NDST4: variants seen among roughly 807,000 people sequenced by gnomAD.
NDST4 encodes the protein N-heparan sulfate sulfotransferase 4.
NDST4 carries 63 observed loss-of-function variants against 100.8 expected under a neutral mutation model. The observed-to-expected ratio is 0.62, with a 90% confidence interval of 0.51 to 0.77. The LOEUF is 0.77. Ranked by LOEUF, NDST4 falls within the 30% of genes least tolerant of loss-of-function variation. The probability of loss-of-function intolerance (pLI) is 0.00; values close to 1 mark genes in which losing one functional copy is unlikely to be tolerated. For missense variants in NDST4, 943 were observed against 1,018.4 expected (o/e 0.93, Z 1.01); for synonymous variants, 377 against 361.8 (o/e 1.04, Z -0.48).
chr4:114,914,579 A>G (rs1384174080), intron 6 of NDST4, among the ~76,000 whole-genome samples: 1 of 152,190 alleles, frequency 6.6e-6, no homozygotes. Context: ...AAATATATTA[A>G]CTACAAGCTA....
intron 2 of NDST4, among the ~76,000 whole-genome samples, chr4:115,022,152 C>T (rs1727847332): frequency 6.8e-6 from 1 of 146,000 alleles, no homozygotes. Flanking sequence ...TATGCACGTT[C>T]CATATATATA....
In NDST4 at chr4:115,077,194, T is replaced by C; in HGVS notation, c.-158A>G. 3.0e-6 allele frequency: 2 copies of C among 663,816 alleles called. No homozygotes were observed. The highest frequency in any genetic ancestry group is 4.1e-5 in the South Asian group (2 of 49,380). 41.1% of individuals were successfully genotyped at this position (663,816 alleles called of 1,614,324 possible). A position where few individuals can be genotyped will look rare whatever the true frequency, so the allele number is the denominator to read the frequency against. On this transcript the variant is annotated 5_prime_UTR_variant, in exon 2 of 14. Transcript: ENST00000264363. ...GAAGGGAGCACAACTGAGTTAAAGC[T>C]GGAAGGCAATAGATGGGAAGGATAT...
chr4:114,935,174 C>A, intron 6 of NDST4, 32 bp downstream of exon 6: 1 of 1,434,218 alleles, frequency 7.0e-7, no homozygotes, highest in Non-Finnish European at 9.2e-7. Flanking sequence ...AAATGCTAAT[C>A]TTATTGTAAG....
At chr4:114,866,154 T>A (rs999600856) in intron 7 of NDST4, among the ~76,000 whole-genome samples, 4 of 152,136 alleles carry the variant, frequency 2.6e-5, no homozygotes, top group Non-Finnish European at 5.9e-5. Context: ...GCAATGGGGG[T>A]AATTAGTCAC....
At chr4:115,034,670 T>C (rs1396367963) in intron 2 of NDST4, among the ~76,000 whole-genome samples, 1 of 152,094 alleles carries the variant, frequency 6.6e-6, no homozygotes, top group African/African-American at 2.4e-5. Context: ...TGTGGTGTTC[T>C]AATCTTTTAT....
intron 4 of NDST4, among the ~76,000 whole-genome samples, chr4:114,960,261 T>C (rs1311141520): frequency 1.3e-5 from 2 of 152,278 alleles, no homozygotes; most frequent in South Asian, 2.1e-4. Flanking sequence ...AAATTACAAA[T>C]GTAGTTCTTC....
chr4:114,978,383 A>G (rs564144938), intron 2 of NDST4, among the ~76,000 whole-genome samples: 1 of 152,082 alleles, frequency 6.6e-6, no homozygotes, highest in South Asian at 2.1e-4. Context: ...TAGTTTAATT[A>G]AAAAAATGAC....
intron 2 of NDST4, among the ~76,000 whole-genome samples, chr4:115,059,017 A>G (rs1003551420): frequency 3.3e-5 from 5 of 151,830 alleles, no homozygotes; most frequent in African/African-American, 1.2e-4. Flanking sequence ...TCAAAATTAG[A>G]TTTATTGAGG....
At chr4:114,896,134 T>C (rs1232757218) in intron 6 of NDST4, among the ~76,000 whole-genome samples, 1 of 152,230 alleles carries the variant, frequency 6.6e-6, no homozygotes, top group Non-Finnish European at 1.5e-5. Context: ...ATTAGAGGCT[T>C]TGATACCATT....
chr4:114,896,732 A>C (rs776339194), intron 6 of NDST4, among the ~76,000 whole-genome samples: 44 of 152,180 alleles, frequency 2.9e-4, no homozygotes, highest in Non-Finnish European at 2.4e-4. Flanking sequence ...ATTGCATGAA[A>C]ATTCTTTGCA....
intron 1 of NDST4, among the ~76,000 whole-genome samples, chr4:115,111,655 A>G (rs1463586258): frequency 1.3e-5 from 2 of 151,776 alleles, no homozygotes; most frequent in Non-Finnish European, 2.9e-5. Flanking sequence ...ATTTAAAAAT[A>G]ATGCCTGAGT....
rs11462506 is a variant in NDST4 at position 114,904,701 on chromosome 4, GT to G, written c.1536+30504del. ...GAAAGAATGTTGTGTAATTTGTAGA[GT>G]TTTTTTTACAGGGAATAAGAGGTAT... On this transcript the variant is annotated intron_variant, in intron 6 of 13. Coordinates refer to ENST00000264363, the MANE Select transcript of NDST4 (RefSeq NM_022569.3). 7.9e-5 allele frequency among the ~76,000 whole-genome samples: 12 copies of G among 151,510 alleles called. No homozygotes were observed. In the South Asian group the frequency reaches 1.5e-3, roughly 18 times the overall value.
At chr4:115,064,478 T>C (rs1052495685) in intron 2 of NDST4, among the ~76,000 whole-genome samples, 1 of 152,052 alleles carries the variant, frequency 6.6e-6, no homozygotes, top group African/African-American at 2.4e-5. Flanking sequence ...GAGGCACTCA[T>C]GTTGAAATTC....
At chr4:114,961,021 A>G (rs1390544565) in intron 4 of NDST4, among the ~76,000 whole-genome samples, 1 of 152,158 alleles carries the variant, frequency 6.6e-6, no homozygotes, top group African/African-American at 2.4e-5. Context: ...ATGTAAATAT[A>G]ATGTTTCTAT....
At chr4:114,990,413 A>C (rs1194888207) in intron 2 of NDST4, among the ~76,000 whole-genome samples, 1 of 152,084 alleles carries the variant, frequency 6.6e-6, no homozygotes, top group Non-Finnish European at 1.5e-5. Flanking sequence ...GTATAAATGA[A>C]GTATAGTAGC....
chr4:115,096,426 C>T (rs1729622298), intron 1 of NDST4, among the ~76,000 whole-genome samples: 1 of 151,942 alleles, frequency 6.6e-6, no homozygotes, highest in Non-Finnish European at 1.5e-5. Flanking sequence ...AAACTTCTAA[C>T]ATTTCTTTCC....
At chr4:115,044,894 A>G (rs1560578536) in intron 2 of NDST4, among the ~76,000 whole-genome samples, 1 of 152,062 alleles carries the variant, frequency 6.6e-6, no homozygotes, top group East Asian at 1.9e-4. Flanking sequence ...TCTGATTAAA[A>G]TGAATTCAAA....
At chr4:114,979,396 T>G (rs942205126) in intron 2 of NDST4, among the ~76,000 whole-genome samples, 51 of 134,562 alleles carry the variant, frequency 3.8e-4, no homozygotes, top group Non-Finnish European at 6.2e-4. Flanking sequence ...ATGTTACTGG[T>G]TTTTTTTTGC....
At chr4:115,009,696 A>C (rs1361060518) in intron 2 of NDST4, among the ~76,000 whole-genome samples, 1 of 120,522 alleles carries the variant, frequency 8.3e-6, no homozygotes, top group African/African-American at 3.3e-5. Flanking sequence ...GGATCTAATT[A>C]AACTAAAGAG....
Sources: gnomAD v4.1 joint callset for allele counts (sites outside exome capture counted in the v4.1 genomes callset) on GRCh38, gnomAD v4.1.1 for gene constraint, MANE v1.5 for transcripts, NCBI Gene and HGNC (gene_info 2026-07-23, HGNC 2026-07-21) for gene names.